Variants in SLC6A20 observed in about 807,000 individuals in gnomAD.
SLC6A20 encodes sodium- and chloride-dependent transporter XTRP3.
In SLC6A20, 73 loss-of-function variants were observed where a neutral mutation model predicts 64.3. The observed-to-expected ratio is 1.14, with a 90% confidence interval of 0.94 to 1.38. SLC6A20 has a LOEUF of 1.38. Ranked by LOEUF, SLC6A20 falls within the 40% of genes most tolerant of loss-of-function variation. The pLI is 0.00. For synonymous variants in SLC6A20, 347 were observed against 329.6 expected, an observed-to-expected ratio of 1.05 and a Z score of -0.57; for missense variants, 725 against 772.8, an observed-to-expected ratio of 0.94 and a Z score of 0.73.
At position 45,756,615 on chromosome 3, in the gene SLC6A20, G is replaced by A. The variant is rs939720847; in HGVS notation, c.*2363C>T. 3 of 152,056 alleles carry A rather than the reference G, an allele frequency of 2.0e-5. No individual in the cohort carries two copies. Among genetic ancestry groups the A allele is most frequent in the East Asian group, 3.9e-4 (2 of 5,194 alleles). The allele number at this position is 152,056 out of a possible 1,614,324, so 9.4% of individuals were successfully genotyped here. A position where few individuals can be genotyped will look rare whatever the true frequency, so the allele number is the denominator to read the frequency against. ...AGCACAAAAATAAAAAGACATCTCC[G>A]GCCAACGTCCCAGGTGAGTGTTTGT... is the stretch of plus-strand genomic sequence containing the variant. On this transcript the variant is annotated 3_prime_UTR_variant, in exon 11 of 11. Transcript: ENST00000358525.
chr3:45,760,335 A>G (rs555236995), intron 9 of SLC6A20, among the ~76,000 whole-genome samples: 1 of 152,332 alleles, frequency 6.6e-6, no homozygotes, highest in Admixed American at 6.5e-5. Flanking sequence ...GCCTCCAGGA[A>G]TGGTGGGCAC....
At chr3:45,792,898 A>C (rs1207307913) in intron 1 of SLC6A20, among the ~76,000 whole-genome samples, 1 of 152,130 alleles carries the variant, frequency 6.6e-6, no homozygotes, top group East Asian at 1.9e-4. Flanking sequence ...CCACAGAAGC[A>C]ACCCTGACCC....
intron 8 of SLC6A20, among the ~76,000 whole-genome samples, chr3:45,764,588 G>T (rs1273505019): frequency 6.6e-6 from 1 of 151,886 alleles, no homozygotes; most frequent in Non-Finnish European, 1.5e-5. Flanking sequence ...TATAATCCCA[G>T]CTACTCAGGA....
At chr3:45,777,033 GT>G (rs1484976897) in intron 3 of SLC6A20, among the ~76,000 whole-genome samples, 2 of 152,176 alleles carry the variant, frequency 1.3e-5, no homozygotes, top group African/African-American at 4.8e-5. Flanking sequence ...TGACTGTGGG[GT>G]AGGAGACCCC....
At chr3:45,777,941 G>T (rs1699998705) in intron 3 of SLC6A20, among the ~76,000 whole-genome samples, 1 of 152,224 alleles carries the variant, frequency 6.6e-6, no homozygotes, top group South Asian at 2.1e-4. Context: ...CTGGTCATTG[G>T]ATTTTTCACA....
At chr3:45,781,977 C>A in intron 2 of SLC6A20, 106 bp downstream of exon 2, 3 of 1,401,320 alleles carry the variant, frequency 2.1e-6, no homozygotes, top group Non-Finnish European at 2.8e-6. Context: ...CTCTCTTGGG[C>A]CTTGTGCTCG....
intron 7 of SLC6A20, among the ~76,000 whole-genome samples, chr3:45,769,733 C>T (rs1481044187): frequency 6.6e-6 from 1 of 151,790 alleles, no homozygotes; most frequent in African/African-American, 2.4e-5. Flanking sequence ...GCCAACAAAA[C>T]AATGATATTA....
chr3:45,780,686 C>T (rs889459425), intron 2 of SLC6A20, among the ~76,000 whole-genome samples: 5 of 152,148 alleles, frequency 3.3e-5, no homozygotes, highest in Non-Finnish European at 7.4e-5. Flanking sequence ...CCTGAGAGCA[C>T]AGAGAGGGGT....
chr3:45,772,011 A>G (rs9861547), intron 5 of SLC6A20: 4,120 of 171,526 alleles, frequency 0.024, 187 homozygotes, highest in African/African-American at 0.091. Flanking sequence ...TAGGGACTGC[A>G]TTTGCCAAAT....
chr3:45,771,160 A>AGCTG, intron 6 of SLC6A20, 57 bp downstream of exon 6: 1 of 1,607,702 alleles, frequency 6.2e-7, no homozygotes, highest in South Asian at 1.1e-5. Flanking sequence ...TGCCCAGGCG[A>AGCTG]CCCTTCAGCT....
At chr3:45,779,513 G>T (rs778345705) in intron 3 of SLC6A20, among the ~76,000 whole-genome samples, 7 of 152,192 alleles carry the variant, frequency 4.6e-5, no homozygotes, top group Non-Finnish European at 1.0e-4. Flanking sequence ...GAACTTAGGG[G>T]TCTGCAGGGA....
intron 7 of SLC6A20, among the ~76,000 whole-genome samples, chr3:45,767,987 T>C (rs1699802611): frequency 6.6e-6 from 1 of 152,166 alleles, no homozygotes; most frequent in Admixed American, 6.5e-5. Flanking sequence ...TAAATGAAAG[T>C]ATTTTAAGGA....
chr3:45,755,921 T>C lies in SLC6A20; in HGVS notation c.*3057A>G, dbSNP rs1208875223. ...ATAATTGGAAATGCTCAAAAATGCC[T>C]TCAAATTTTTAAGTCATTTTATAAA... On this transcript the variant is annotated 3_prime_UTR_variant, in exon 11 of 11. Transcript: ENST00000358525. 6.6e-6 allele frequency: 1 copy of C among 152,384 alleles called. No homozygotes were observed. The highest frequency in any genetic ancestry group is 1.9e-4 in the East Asian group (1 of 5,204). The allele number at this position is 152,384 out of a possible 1,614,324, so 9.4% of individuals were successfully genotyped here.
At chr3:45,759,406 T>A (rs973049053) in intron 10 of SLC6A20, among the ~76,000 whole-genome samples, 1 of 152,206 alleles carries the variant, frequency 6.6e-6, no homozygotes, top group African/African-American at 2.4e-5. Flanking sequence ...TGAATAACCA[T>A]GGTAATAATC....
chr3:45,776,230 C>T (rs1471373474), intron 3 of SLC6A20, among the ~76,000 whole-genome samples: 4 of 152,002 alleles, frequency 2.6e-5, no homozygotes, highest in Non-Finnish European at 5.9e-5. Context: ...TACGGGTGTT[C>T]CTTGAGGACT....
Position 45,774,179 on chromosome 3 carries a change from A to G in SLC6A20, c.583-1564T>C, listed in dbSNP as rs566025374. ...CATGGTCTGTGACAAGATTAGCTCT[A>G]TTTACATAGAGCTGTTGGGGTACTT... On this transcript the variant is annotated intron_variant, in intron 4 of 10. Coordinates refer to ENST00000358525, the MANE Select transcript of SLC6A20 (RefSeq NM_020208.4). 3.1e-4 allele frequency among the ~76,000 whole-genome samples: 47 copies of G among 152,360 alleles called. 1 individual carries two copies. The South Asian group carries it at 9.7e-3, about 32-fold the overall frequency.
intron 10 of SLC6A20, 48 bp from the exon 11 acceptor site, chr3:45,759,175 C>A (rs1235671655): frequency 6.4e-7 from 1 of 1,554,508 alleles, no homozygotes; most frequent in South Asian, 1.2e-5. Context: ...CTGAGCACTG[C>A]CCCTGGGCCT....
At chr3:45,763,866 C>T (rs867761630) in intron 8 of SLC6A20, among the ~76,000 whole-genome samples, 20 of 152,198 alleles carry the variant, frequency 1.3e-4, no homozygotes, top group Admixed American at 4.6e-4. Flanking sequence ...TGCCAGCTAC[C>T]GAGCCCTCCT....
chr3:45,789,067 A>G (rs1274498244), intron 1 of SLC6A20, among the ~76,000 whole-genome samples: 1 of 152,236 alleles, frequency 6.6e-6, no homozygotes, highest in African/African-American at 2.4e-5. Context: ...TATATCAACA[A>G]AAGTTGTTAA....
Sources: gnomAD v4.1 joint callset for allele counts (sites outside exome capture counted in the v4.1 genomes callset) on GRCh38, gnomAD v4.1.1 for gene constraint, MANE v1.5 for transcripts, NCBI Gene and HGNC (gene_info 2026-07-23, HGNC 2026-07-21) for gene names.